The following ZC3H12B variants were observed in gnomAD, a reference collection of about 807,000 sequenced individuals.
ZC3H12B encodes the protein zinc finger CCCH-type containing 12B, also known as probable ribonuclease ZC3H12B.
A neutral mutation model predicts 43.9 loss-of-function variants in ZC3H12B; 7 were observed. The ratio of observed to expected loss-of-function variants is 0.16; its 90% CI spans 0.09 to 0.30. The LOEUF (loss-of-function observed/expected upper bound fraction) is 0.30, where lower values mean the gene tolerates loss of function less well. Among genes scored for constraint, ZC3H12B ranks in the 10% least tolerant of loss-of-function variants. ZC3H12B has a pLI of 1.00. For missense variants in ZC3H12B, 475 were observed against 670.2 expected, an observed-to-expected ratio of 0.71 and a Z score of 3.22; for synonymous variants, 222 against 241.7, an observed-to-expected ratio of 0.92 and a Z score of 0.76.
chrX:65,070,832 T>G, the ZC3H12B span, among the ~76,000 whole-genome samples: 2 of 104,519 alleles, frequency 1.9e-5, no homozygotes, highest in African/African-American at 7.0e-5. Flanking sequence ...TTTTTTTTTT[T>G]TTTTTTTAGT....
chrX:65,357,116 G>A, the ZC3H12B span: 25 of 503,319 alleles, frequency 5.0e-5, no homozygotes, highest in Non-Finnish European at 5.9e-5. Flanking sequence ...CTTCCTGAGA[G>A]TATATTTGAC....
intron 2 of ZC3H12B, among the ~76,000 whole-genome samples, chrX:65,370,228 T>C (rs1190114593): frequency 8.9e-6 from 1 of 112,338 alleles, no homozygotes; most frequent in Non-Finnish European, 1.9e-5. Flanking sequence ...TTTAGTAATA[T>C]TTTTCAGAAT....
chrX:65,488,787 G>T (rs766676441), exon 1 of ZC3H12B: 1 of 1,158,551 alleles, frequency 8.6e-7, no homozygotes, highest in Admixed American at 2.8e-5. Context: ...GACCTCAGAC[G>T]ACCCACTAAA....
At chrX:65,301,171 AT>A in the ZC3H12B span, among the ~76,000 whole-genome samples, 1 of 111,273 alleles carries the variant, frequency 9.0e-6, no homozygotes, top group African/African-American at 3.3e-5. Flanking sequence ...CATAATAAAA[AT>A]TTAAAAAAAA....
chrX:65,120,488 A>C, the ZC3H12B span, among the ~76,000 whole-genome samples: 7 of 111,369 alleles, frequency 6.3e-5, no homozygotes, highest in Admixed American at 1.9e-4. Flanking sequence ...GATTTTTTGC[A>C]TGTTGATTTT....
the ZC3H12B span, among the ~76,000 whole-genome samples, chrX:65,114,898 C>T: frequency 1.6e-4 from 9 of 56,982 alleles, no homozygotes; most frequent in African/African-American, 6.4e-4. Context: ...TTCAGCACTG[C>T]GTTAGTTGTG....
the ZC3H12B span, among the ~76,000 whole-genome samples, chrX:65,256,000 C>T: frequency 6.5e-4 from 73 of 112,469 alleles, no homozygotes; most frequent in African/African-American, 2.3e-3. Context: ...ATTTTAAATA[C>T]ATATGTGCCC....
chrX:65,311,597 G>A, the ZC3H12B span, among the ~76,000 whole-genome samples: 2 of 111,694 alleles, frequency 1.8e-5, no homozygotes, highest in Non-Finnish European at 3.8e-5. Flanking sequence ...GATTCCTCAA[G>A]GATCTAGAAC....
the ZC3H12B span, among the ~76,000 whole-genome samples, chrX:65,169,361 T>C: frequency 8.9e-6 from 1 of 112,204 alleles, no homozygotes; most frequent in Non-Finnish European, 1.9e-5. Context: ...AGTTTCTTAA[T>C]CCTGAGTTCT....
chrX:65,504,005 T>C (rs1186971495), exon 5 of ZC3H12B: 1 of 112,523 alleles, frequency 8.9e-6, no homozygotes, highest in Non-Finnish European at 1.9e-5. Context: ...GATCAGATCA[T>C]ATGTTGAATT....
the ZC3H12B span, among the ~76,000 whole-genome samples, chrX:65,346,165 A>G: frequency 1.9e-4 from 21 of 111,000 alleles, no homozygotes; most frequent in Non-Finnish European, 1.9e-5. Flanking sequence ...TGGCCAAAGC[A>G]ATGCTAAGCA....
chrX:65,425,497 A>C (rs755217919), intron 3 of ZC3H12B, among the ~76,000 whole-genome samples: 1 of 110,189 alleles, frequency 9.1e-6, no homozygotes, highest in Non-Finnish European at 1.9e-5. Context: ...CCAATACTAT[A>C]TTGAATAGGA....
At chrX:65,506,523 T>C (rs2068426902) in exon 5 of ZC3H12B, 1 of 112,339 alleles carries the variant, frequency 8.9e-6, no homozygotes, top group Non-Finnish European at 1.9e-5. Context: ...TCCTTCAGGA[T>C]ACTTACCTCT....
intron 3 of ZC3H12B, among the ~76,000 whole-genome samples, chrX:65,454,189 G>C (rs1390103055): frequency 2.7e-5 from 3 of 112,795 alleles, no homozygotes; most frequent in Non-Finnish European, 3.8e-5. Flanking sequence ...AGCAGGGCGA[G>C]GCATCACCTC....
chrX:65,120,093 T>G, the ZC3H12B span, among the ~76,000 whole-genome samples: 1 of 112,059 alleles, frequency 8.9e-6, no homozygotes, highest in Non-Finnish European at 1.9e-5. Flanking sequence ...TGCCTCTAGC[T>G]TTGTTCTTTT....
intron 1 of ZC3H12B, among the ~76,000 whole-genome samples, chrX:65,490,092 C>A (rs1469237572): frequency 3.6e-5 from 4 of 111,636 alleles, no homozygotes; most frequent in African/African-American, 9.8e-5. Flanking sequence ...TGAATGATAG[C>A]CCCCTAGAGA....
At chrX:65,384,070 G>A (rs1340696859) in intron 2 of ZC3H12B, among the ~76,000 whole-genome samples, 8 of 100,934 alleles carry the variant, frequency 7.9e-5, no homozygotes, top group Non-Finnish European at 1.4e-4. Context: ...ACATGCACAC[G>A]TATGTTTATT....
chrX:65,451,133 A>G (rs917405212), intron 3 of ZC3H12B, among the ~76,000 whole-genome samples: 2 of 109,540 alleles, frequency 1.8e-5, no homozygotes, highest in East Asian at 2.9e-4. Context: ...TATTTATAGT[A>G]GAGATGGGGT....
At chrX:65,294,374 T>A in the ZC3H12B span, among the ~76,000 whole-genome samples, 3 of 111,348 alleles carry the variant, frequency 2.7e-5, no homozygotes, top group African/African-American at 9.8e-5. Context: ...TTGAAACAAA[T>A]CCTTGAAATA....
Sources: allele counts gnomAD v4.1 joint callset (sites outside exome capture counted in the v4.1 genomes callset), GRCh38; gene constraint gnomAD v4.1.1; transcripts MANE v1.5; gene names NCBI Gene and HGNC (gene_info 2026-07-23, HGNC 2026-07-21).